Variants in FLVCR1 observed in about 807,000 individuals in gnomAD.
The protein encoded by FLVCR1 is FLVCR choline and heme transporter 1.
In FLVCR1, 34 loss-of-function variants were observed where a neutral mutation model predicts 53.6. The observed-to-expected ratio is 0.63, with a 90% CI of 0.48 to 0.84. The LOEUF (loss-of-function observed/expected upper bound fraction) is 0.84, where lower values mean the gene tolerates loss of function less well. Among genes scored for constraint, FLVCR1 ranks in the 40% least tolerant of loss-of-function variants. The probability of loss-of-function intolerance (pLI) is 0.00; values close to 1 mark genes in which losing one functional copy is unlikely to be tolerated. For synonymous variants in FLVCR1, 300 were observed against 286.3 expected (o/e 1.05, Z -0.48); for missense variants, 677 against 696.7 (o/e 0.97, Z 0.32).
Position 212,858,887 on chromosome 1 carries a change from C to T in FLVCR1, c.435C>T (p.His145=). 1.9e-6 allele frequency: 3 copies of T among 1,614,258 alleles called. No individual in the cohort carries two copies. The highest frequency in any genetic ancestry group is 1.7e-6 in the Non-Finnish European group (2 of 1,180,040). ...GCTTCTACGGTGTCACCTTGCTGCA[C>T]ATCGACTGGCTGTCCATGGTGTACA... The part of the protein sequence containing the change: ...FEGFYGVTLL[H]IDWLSMVYML... The change falls in exon 1 of 10, where the codon CAC becomes CAT. Residue 145 remains histidine, a synonymous_variant. Transcript: ENST00000366971.
At chr1:212,884,433 A>G (rs41300033) in intron 4 of FLVCR1, among the ~76,000 whole-genome samples, 3,279 of 152,274 alleles carry the variant, frequency 0.022, 58 homozygotes, top group Middle Eastern at 0.034. Flanking sequence ...CACACACACA[A>G]TATGGAAAGC....
At chr1:212,888,852 ATTTT>A (rs1201984725) in intron 7 of FLVCR1, among the ~76,000 whole-genome samples, 1 of 151,666 alleles carries the variant, frequency 6.6e-6, no homozygotes, top group East Asian at 1.9e-4. Flanking sequence ...GCCCAGCTAA[ATTTT>A]TTTTGTTATT....
rs1664082156 is a variant in FLVCR1 at position 212,858,307 on chromosome 1, T to G, written c.-146T>G. ...CATCTGTTCACGCGGTAGCGCGGATTGCGGTTCGCGGCGCGCGCCACCGGG... is the reference window on the plus strand; with the variant it reads ...CATCTGTTCACGCGGTAGCGCGGATGGCGGTTCGCGGCGCGCGCCACCGGG... On this transcript the variant is annotated 5_prime_UTR_variant, in exon 1 of 10. It adds an upstream start codon to the 5' untranslated region. Coordinates refer to ENST00000366971, the MANE Select transcript of FLVCR1 (RefSeq NM_014053.4). 6.3e-6 allele frequency: 5 copies of G among 788,408 alleles called. No homozygotes were observed. The highest frequency in any genetic ancestry group is 9.5e-6 in the Non-Finnish European group (5 of 525,696). 48.8% of individuals were successfully genotyped at this position (788,408 alleles called of 1,614,324 possible).
intron 4 of FLVCR1, among the ~76,000 whole-genome samples, chr1:212,884,773 C>T (rs1665017931): frequency 6.6e-6 from 1 of 152,152 alleles, no homozygotes; most frequent in Non-Finnish European, 1.5e-5. Flanking sequence ...CTGCTACATA[C>T]CTAGGCTACG....
chr1:212,871,139 A>G (rs958372779), intron 2 of FLVCR1, among the ~76,000 whole-genome samples: 1 of 152,168 alleles, frequency 6.6e-6, no homozygotes, highest in Non-Finnish European at 1.5e-5. Context: ...AATCTCTGAA[A>G]TCAAGATGCC....
At chr1:212,874,647 G>C (rs1365793430) in intron 3 of FLVCR1, among the ~76,000 whole-genome samples, 1 of 149,482 alleles carries the variant, frequency 6.7e-6, no homozygotes, top group Admixed American at 6.7e-5. Flanking sequence ...TCCTGCTTCA[G>C]CCTCCCTAGT....
chr1:212,862,722 A>G (rs1664282354), intron 1 of FLVCR1, among the ~76,000 whole-genome samples: 1 of 152,210 alleles, frequency 6.6e-6, no homozygotes, highest in Non-Finnish European at 1.5e-5. Context: ...GCTAGGTCAT[A>G]TGGTAATTCT....
At chr1:212,880,079 A>C (rs1572021616) in intron 3 of FLVCR1, among the ~76,000 whole-genome samples, 1 of 152,030 alleles carries the variant, frequency 6.6e-6, no homozygotes, top group Non-Finnish European at 1.5e-5. Flanking sequence ...AGTAGAGTAC[A>C]CTCAGGCCTG....
At chr1:212,880,182 A>C (rs575455488) in intron 3 of FLVCR1, among the ~76,000 whole-genome samples, 1 of 152,294 alleles carries the variant, frequency 6.6e-6, no homozygotes, top group South Asian at 2.1e-4. Flanking sequence ...TGAATAACAA[A>C]GGCCAGTTAC....
rs1178606431 is a variant in FLVCR1, at chr1:212,895,719, A to G, written c.*429A>G. ...ATATTAAAGTATCCAGTGGAACTAA[A>G]TGTACAATATATTCCTAATTGGCTG... is the stretch of plus-strand genomic sequence containing the variant. On this transcript the variant is annotated 3_prime_UTR_variant, in exon 10 of 10. Transcript: ENST00000366971. 1 of 235,266 alleles carries G rather than the reference A, an allele frequency of 4.3e-6. No individual in the cohort carries two copies. The highest frequency in any genetic ancestry group is 8.4e-6 in the Non-Finnish European group (1 of 119,196). 14.6% of individuals were successfully genotyped at this position (235,266 alleles called of 1,614,324 possible).
At position 212,863,860 on chromosome 1, in the gene FLVCR1, A is replaced by T. The variant is rs1442329216; in HGVS notation, c.874A>T (p.Thr292Ser). The T allele has an allele frequency of 6.2e-7, 1 of 1,613,188 alleles. No individual in the cohort carries two copies. Among genetic ancestry groups the T allele is most frequent in the Non-Finnish European group, 8.5e-7 (1 of 1,179,174 alleles). ...TGTTGCCACACTTTTATTTATTTTA[A>T]CAGCAATTGGTAAGTGAATTACTTT... ...SAVATLLFIL[T>S]AIAFKEKPRY... Residue 292 changes from threonine (T) to serine (S), a missense_variant, in exon 2 of 10, where the codon ACA becomes TCA. Thr to Ser is a moderately conservative substitution (Grantham distance 58, BLOSUM62 1). Coordinates refer to ENST00000366971, the MANE Select transcript of FLVCR1 (RefSeq NM_014053.4).
Position 212,898,535 on chromosome 1 carries a change from T to C in FLVCR1, c.*3245T>C, listed in dbSNP as rs1428251587. ...GAATACTTTATTTCTGAAAAGCATA[T>C]ACATATATGTTATGTTTATTTTTCC... On this transcript the variant is annotated 3_prime_UTR_variant, in exon 10 of 10. Coordinates refer to ENST00000366971, the MANE Select transcript of FLVCR1 (RefSeq NM_014053.4). The C allele has an allele frequency of 6.6e-6, 1 of 152,224 alleles. No homozygotes were observed. Among genetic ancestry groups the C allele is most frequent in the East Asian group, 1.9e-4 (1 of 5,208 alleles). 9.4% of individuals were successfully genotyped at this position (152,224 alleles called of 1,614,324 possible). A position where few individuals can be genotyped will look rare whatever the true frequency, so the allele number is the denominator to read the frequency against.
chr1:212,891,324 ATTG>A (rs1665186555), intron 8 of FLVCR1, among the ~76,000 whole-genome samples: 1 of 58,938 alleles, frequency 1.7e-5, no homozygotes, highest in Non-Finnish European at 5.6e-5. Context: ...AGGCAGAAGA[ATTG>A]CTTGAATCTG....
intron 5 of FLVCR1, 119 bp from the exon 6 acceptor site, chr1:212,887,772 G>A (rs994774027): frequency 6.3e-6 from 4 of 637,304 alleles, no homozygotes; most frequent in Non-Finnish European, 1.1e-5. Flanking sequence ...TATTTCCATG[G>A]ACAAGAAGGG....
At position 212,863,848 on chromosome 1, in the gene FLVCR1, T is replaced by G; in HGVS notation, c.862T>G (p.Leu288Val). The change falls in exon 2 of 10, where the codon TTA becomes GTA. Residue 288 changes from leucine to valine, a missense_variant. Physicochemically the swap from Leu to Val is conservative, Grantham distance 32 (BLOSUM62 1). Coordinates refer to ENST00000366971, the MANE Select transcript of FLVCR1 (RefSeq NM_014053.4). ...TGGAACATCAGCTGTTGCCACACTTTTATTTATTTTAACAGCAATTGGTAA... is the reference window on the plus strand; with the variant it reads ...TGGAACATCAGCTGTTGCCACACTTGTATTTATTTTAACAGCAATTGGTAA... ...FYGTSAVATL[L>V]FILTAIAFKE... 3 of 1,613,726 alleles carry G rather than the reference T, an allele frequency of 1.9e-6. No individual in the cohort carries two copies. Among genetic ancestry groups the G allele is most frequent in the Non-Finnish European group, 2.5e-6 (3 of 1,179,598 alleles).
In FLVCR1 at chr1:212,889,269, C is replaced by A; in HGVS notation, c.1525+12C>A. 1 of 1,523,686 alleles carries A rather than the reference C, an allele frequency of 6.6e-7. No homozygotes were observed. Among genetic ancestry groups the A allele is most frequent in the Non-Finnish European group, 9.1e-7 (1 of 1,098,000 alleles). The allele number at this position is 1,523,686 out of a possible 1,614,324, so 94.4% of individuals were successfully genotyped here. A position where few individuals can be genotyped will look rare whatever the true frequency, so the allele number is the denominator to read the frequency against. On this transcript the variant is annotated intron_variant, in intron 8 of 9. Transcript: ENST00000366971. ...CATCATATTAACAGGTAAATTAGGG[C>A]GTTTGCCTGGCAAAAGGACTTGTGT...
At chr1:212,892,660 C>T (rs988518499) in intron 8 of FLVCR1, among the ~76,000 whole-genome samples, 17 of 152,176 alleles carry the variant, frequency 1.1e-4, no homozygotes, top group Non-Finnish European at 2.1e-4. Flanking sequence ...ACACAGCATC[C>T]CTTCTGCAGC....
intron 3 of FLVCR1, among the ~76,000 whole-genome samples, chr1:212,879,038 C>A (rs1373578364): frequency 6.6e-6 from 1 of 152,024 alleles, no homozygotes; most frequent in Non-Finnish European, 1.5e-5. Flanking sequence ...CACCTCTCCC[C>A]TAAATAATTT....
At chr1:212,874,621 C>G (rs1664704244) in intron 3 of FLVCR1, among the ~76,000 whole-genome samples, 1 of 148,026 alleles carries the variant, frequency 6.8e-6, no homozygotes, top group Non-Finnish European at 1.5e-5. Flanking sequence ...CTCCACCTCT[C>G]AGGTTCAAGC....
Sources: allele counts gnomAD v4.1 joint callset (sites outside exome capture counted in the v4.1 genomes callset), GRCh38; gene constraint gnomAD v4.1.1; transcripts MANE v1.5; gene names NCBI Gene and HGNC (gene_info 2026-07-23, HGNC 2026-07-21).